The following VTI1B variants were observed in gnomAD, a reference collection of about 807,000 sequenced individuals.
VTI1B encodes vesicle transport through interaction with t-SNAREs 1B, also known as vesicle transport through interaction with t-SNAREs homolog 1B.
A neutral mutation model predicts 28.6 loss-of-function variants in VTI1B; 18 were observed. That is an observed-to-expected ratio of 0.63 (90% CI 0.43 to 0.93). VTI1B has a LOEUF of 0.93. Ranked by LOEUF, VTI1B falls within the 40% of genes least tolerant of loss-of-function variation. VTI1B has a pLI of 0.00. For missense variants in VTI1B, 283 were observed against 297.0 expected (o/e 0.95, Z 0.35); for synonymous variants, 100 against 107.9 (o/e 0.93, Z 0.46).
chr14:67,661,443 T>C (rs1016542515), intron 2 of VTI1B, among the ~76,000 whole-genome samples: 2 of 151,952 alleles, frequency 1.3e-5, no homozygotes, highest in Non-Finnish European at 2.9e-5. Flanking sequence ...AGCTCCTATG[T>C]TGTCTCTTAA....
chr14:67,658,947 C>CAT (rs2037301353), intron 3 of VTI1B, among the ~76,000 whole-genome samples: 1 of 152,182 alleles, frequency 6.6e-6, no homozygotes, highest in Admixed American at 6.5e-5. Flanking sequence ...TTTCAGTCTG[C>CAT]ACTGGTGGGC....
chr14:67,674,229 G>C, intron 1 of VTI1B, 146 bp downstream of exon 1: 1 of 651,272 alleles, frequency 1.5e-6, no homozygotes, highest in Non-Finnish European at 2.5e-6. Flanking sequence ...GGGAGACCTG[G>C]GGCTGGGACA....
chr14:67,652,816 C>T (rs2037202476), intron 5 of VTI1B, among the ~76,000 whole-genome samples: 1 of 151,694 alleles, frequency 6.6e-6, no homozygotes, highest in Non-Finnish European at 1.5e-5. Flanking sequence ...TTTTTTGAGA[C>T]GGAGTCTCGC....
intron 1 of VTI1B, among the ~76,000 whole-genome samples, chr14:67,665,176 C>G (rs539687887): frequency 6.6e-6 from 1 of 152,022 alleles, no homozygotes; most frequent in Admixed American, 6.6e-5. Flanking sequence ...TGAACCCAAT[C>G]CTACATAAGA....
At chr14:67,663,345 T>C (rs1486472384) in intron 1 of VTI1B, among the ~76,000 whole-genome samples, 1 of 152,150 alleles carries the variant, frequency 6.6e-6, no homozygotes, top group African/African-American at 2.4e-5. Context: ...TTTAAATAAA[T>C]GTATTTTACA....
In VTI1B at chr14:67,647,437, C is replaced by T. The variant is rs1393759635; in HGVS notation, c.*3948G>A. Reference sequence around the variant, plus strand: ...AATTTTAAGAGCATTTTCCCAATACCAAGTCTTTACTTCTGGGTGATTAAT... The same window carrying T: ...AATTTTAAGAGCATTTTCCCAATACTAAGTCTTTACTTCTGGGTGATTAAT... On this transcript the variant is annotated 3_prime_UTR_variant, in exon 6 of 6. Coordinates refer to ENST00000554659, the MANE Select transcript of VTI1B (RefSeq NM_006370.3). The T allele has an allele frequency of 1.2e-5, 2 of 162,068 alleles. No homozygotes were observed. The highest frequency in any genetic ancestry group is 2.7e-5 in the Non-Finnish European group (2 of 74,992). 10.0% of individuals were successfully genotyped at this position (162,068 alleles called of 1,614,324 possible). A position where few individuals can be genotyped will look rare whatever the true frequency, so the allele number is the denominator to read the frequency against.
intron 4 of VTI1B, among the ~76,000 whole-genome samples, chr14:67,655,790 A>G (rs945771927): frequency 6.6e-6 from 1 of 152,230 alleles, no homozygotes; most frequent in Non-Finnish European, 1.5e-5. Flanking sequence ...CAAAGAGAGA[A>G]TGCAGCCACT....
At chr14:67,661,304 T>TC (rs2037331470) in intron 2 of VTI1B, among the ~76,000 whole-genome samples, 1 of 150,498 alleles carries the variant, frequency 6.6e-6, no homozygotes, top group South Asian at 2.1e-4. Context: ...AAAAAAGTTT[T>TC]TTTTTTTTAA....
In VTI1B at chr14:67,650,978, G is replaced by A. The variant is rs1239862035; in HGVS notation, c.*407C>T. The A allele has an allele frequency of 3.3e-6, 5 of 1,507,894 alleles. No homozygotes were observed. Among genetic ancestry groups the A allele is most frequent in the South Asian group, 2.3e-5 (2 of 87,230 alleles). 93.4% of individuals were successfully genotyped at this position (1,507,894 alleles called of 1,614,324 possible). On this transcript the variant is annotated 3_prime_UTR_variant, in exon 6 of 6. Transcript: ENST00000554659. ...GCATTCCAGAATTATGAGGCATTGA[G>A]GGGATAGATGAATACTAAATGGTTG...
At chr14:67,672,442 CTTTTCTTTTT>C (rs1566819618) in intron 1 of VTI1B, among the ~76,000 whole-genome samples, 2 of 101,740 alleles carry the variant, frequency 2.0e-5, no homozygotes, top group African/African-American at 6.2e-5. Context: ...TTTTTCTTTT[CTTTTCTTTTT>C]TTTTTTTTTT....
At chr14:67,670,682 C>T (rs1171939977) in intron 1 of VTI1B, among the ~76,000 whole-genome samples, 1 of 152,112 alleles carries the variant, frequency 6.6e-6, no homozygotes, top group Non-Finnish European at 1.5e-5. Flanking sequence ...GCACATGCCA[C>T]CACACCCAGC....
At chr14:67,665,127 A>G (rs112477761) in intron 1 of VTI1B, among the ~76,000 whole-genome samples, 4,201 of 152,330 alleles carry the variant, frequency 0.028, 208 homozygotes, top group African/African-American at 0.096. Flanking sequence ...TGCTGGGATA[A>G]CAGGTGTGAG....
At chr14:67,662,187 A>AC (rs1457181628) in intron 2 of VTI1B, among the ~76,000 whole-genome samples, 1 of 152,100 alleles carries the variant, frequency 6.6e-6, no homozygotes, top group African/African-American at 2.4e-5. Flanking sequence ...AACAAAAAAA[A>AC]AAACAACAGA....
rs2037144958 is a variant in VTI1B at position 67,649,503 on chromosome 14, A to AT, written c.*1881dup. 1 of 152,208 alleles carries AT rather than the reference A, an allele frequency of 6.6e-6. No homozygotes were observed. The highest frequency in any genetic ancestry group is 2.4e-5 in the African/African-American group (1 of 41,438). 9.4% of individuals were successfully genotyped at this position (152,208 alleles called of 1,614,324 possible). ...TATAGGGTGGCAATAGTCTGGAAACATAAGTCATGTATATATTTCTAATAG... is the reference window on the plus strand; with the variant it reads ...TATAGGGTGGCAATAGTCTGGAAACATTAAGTCATGTATATATTTCTAATAG... On this transcript the variant is annotated 3_prime_UTR_variant, in exon 6 of 6. Transcript: ENST00000554659.
At chr14:67,652,067 C>G (rs1212071448) in intron 5 of VTI1B, among the ~76,000 whole-genome samples, 2 of 152,190 alleles carry the variant, frequency 1.3e-5, no homozygotes, top group African/African-American at 2.4e-5. Context: ...AATCCCACCC[C>G]TCCTGCTAGT....
At chr14:67,663,157 T>C (rs1039602188) in intron 1 of VTI1B, 3 of 1,533,236 alleles carry the variant, frequency 2.0e-6, no homozygotes, top group Non-Finnish European at 2.6e-6. Context: ...TTTGGTTGAG[T>C]GTATCTTTAA....
intron 1 of VTI1B, 87 bp from the exon 2 acceptor site, chr14:67,662,622 A>C: frequency 1.7e-6 from 2 of 1,210,656 alleles, no homozygotes; most frequent in Non-Finnish European, 2.3e-6. Context: ...TAAGCTTCCT[A>C]TGGCAGGGCC....
intron 1 of VTI1B, chr14:67,663,211 G>C: frequency 6.7e-7 from 1 of 1,483,234 alleles, no homozygotes; most frequent in African/African-American, 1.4e-5. Flanking sequence ...AAATAGAACA[G>C]GCTTCAGCTT....
At chr14:67,651,612 G>A in intron 5 of VTI1B, 131 bp from the exon 6 acceptor site, 1 of 981,136 alleles carries the variant, frequency 1.0e-6, no homozygotes, top group Non-Finnish European at 1.5e-6. Context: ...CCACTTAGCA[G>A]GAAGTACTCA....
Sources: allele counts gnomAD v4.1 joint callset (sites outside exome capture counted in the v4.1 genomes callset), GRCh38; gene constraint gnomAD v4.1.1; transcripts MANE v1.5; gene names NCBI Gene and HGNC (gene_info 2026-07-23, HGNC 2026-07-21).